Variants in SUGCT observed in about 807,000 individuals in gnomAD.
SUGCT encodes succinyl-CoA:glutarate-CoA transferase.
In SUGCT, 41 loss-of-function variants were observed where a neutral mutation model predicts 55.0. The ratio of observed to expected loss-of-function variants is 0.74; its 90% CI spans 0.58 to 0.97. The LOEUF is 0.97. Among genes scored for constraint, SUGCT ranks in the 50% least tolerant of loss-of-function variants. The probability of loss-of-function intolerance (pLI) is 0.00; values close to 1 mark genes in which losing one functional copy is unlikely to be tolerated. For synonymous variants in SUGCT, 187 were observed against 200.4 expected, an observed-to-expected ratio of 0.93 and a Z score of 0.56; for missense variants, 568 against 547.8, an observed-to-expected ratio of 1.04 and a Z score of -0.37.
chr7:40,550,920 C>A (rs546541051), intron 12 of SUGCT, among the ~76,000 whole-genome samples: 1 of 152,308 alleles, frequency 6.6e-6, no homozygotes, highest in East Asian at 1.9e-4. Context: ...CTTACTGCAG[C>A]ACTTTCCCTT....
chr7:40,591,137 G>A (rs1797696394), intron 12 of SUGCT, among the ~76,000 whole-genome samples: 1 of 152,202 alleles, frequency 6.6e-6, no homozygotes, highest in Middle Eastern at 3.4e-3. Flanking sequence ...AAAACCTTCT[G>A]GAAAGGATTC....
chr7:40,874,306 T>A, the SUGCT span, among the ~76,000 whole-genome samples: 1 of 152,222 alleles, frequency 6.6e-6, no homozygotes, highest in Non-Finnish European at 1.5e-5. Context: ...GGACCAAAAC[T>A]GAGCCAAAAG....
intron 8 of SUGCT, among the ~76,000 whole-genome samples, chr7:40,308,919 A>C (rs2151093155): frequency 6.6e-6 from 1 of 152,340 alleles, no homozygotes; most frequent in Non-Finnish European, 1.5e-5. Flanking sequence ...CTGAGTCAGA[A>C]GAATTGCTTG....
chr7:40,180,740 C>A (rs550963792), intron 1 of SUGCT, among the ~76,000 whole-genome samples: 1 of 152,100 alleles, frequency 6.6e-6, no homozygotes, highest in African/African-American at 2.4e-5. Flanking sequence ...CCGCCTGCCT[C>A]GGCCTCCGAA....
At chr7:40,624,499 A>G (rs573322059) in intron 12 of SUGCT, among the ~76,000 whole-genome samples, 25 of 152,332 alleles carry the variant, frequency 1.6e-4, no homozygotes, top group Admixed American at 3.9e-4. Context: ...TAGATGAAGA[A>G]TGAAAAAGCA....
At chr7:40,185,303 A>T (rs1584281675) in intron 3 of SUGCT, among the ~76,000 whole-genome samples, 1 of 152,300 alleles carries the variant, frequency 6.6e-6, no homozygotes, top group Middle Eastern at 3.4e-3. Flanking sequence ...TCAATGTATT[A>T]ATAATTTCTC....
chr7:40,185,656 G>A (rs1248215342), intron 3 of SUGCT, among the ~76,000 whole-genome samples: 1 of 152,088 alleles, frequency 6.6e-6, no homozygotes, highest in African/African-American at 2.4e-5. Flanking sequence ...CTGAGTAGTT[G>A]GGATTACAGG....
Position 40,617,355 on chromosome 7 carries a change from T to C in SUGCT, c.1089+120969T>C, listed in dbSNP as rs1584136904. Among the ~76,000 whole-genome samples the C allele has an allele frequency of 2.0e-5, 3 of 152,354 alleles. No individual in the cohort carries two copies. In the East Asian group the frequency reaches 5.8e-4, roughly 29 times the overall value. On this transcript the variant is annotated intron_variant, in intron 12 of 13. Transcript: ENST00000335693. ...TCAAGCTTGAAGCTTTATACTTTTA[T>C]GCTATCTGAAGTGTACCGATGAAAT...
At chr7:40,463,892 A>AGGAGATATAAT (rs1428471869) in intron 11 of SUGCT, among the ~76,000 whole-genome samples, 1 of 152,194 alleles carries the variant, frequency 6.6e-6, no homozygotes, top group Non-Finnish European at 1.5e-5. Flanking sequence ...AAAACAGAAG[A>AGGAGATATAAT]GGAGATATAA....
chr7:40,788,174 G>C lies in SUGCT; in HGVS notation c.1153+38677G>C, dbSNP rs540702959. Among the ~76,000 whole-genome samples the C allele has an allele frequency of 2.0e-3, 305 of 152,266 alleles. 1 individual carries two copies. The highest frequency in any genetic ancestry group is 7.0e-3 in the African/African-American group (290 of 41,554). On this transcript the variant is annotated intron_variant, in intron 13 of 13. Transcript: ENST00000335693. The stretch of plus-strand genomic sequence containing the variant: ...GTCATTCTCCCTGCAGCAGGGTATC[G>C]TGGAGACCAAATGGGGGCCTGGGCT...
In SUGCT at chr7:40,638,365, G is replaced by A. The variant is rs147888556; in HGVS notation, c.1090-111069G>A. 1.6e-3 allele frequency among the ~76,000 whole-genome samples: 242 copies of A among 152,296 alleles called. 1 individual carries two copies. Among genetic ancestry groups the A allele is most frequent in the African/African-American group, 5.6e-3 (234 of 41,554 alleles). ...TCTGAAATGCTTCCTTGATGAAAGA[G>A]AGTAGGTGAAGCTCTGGCTGGATCA... On this transcript the variant is annotated intron_variant, in intron 12 of 13. Transcript: ENST00000335693.
At chr7:40,163,171 GA>G (rs1784260294) in intron 1 of SUGCT, among the ~76,000 whole-genome samples, 1 of 152,206 alleles carries the variant, frequency 6.6e-6, no homozygotes, top group African/African-American at 2.4e-5. Context: ...AATTGCAAGA[GA>G]AGCTGGAAAA....
chr7:40,214,640 G>T (rs915322447), intron 6 of SUGCT, among the ~76,000 whole-genome samples: 3 of 152,136 alleles, frequency 2.0e-5, no homozygotes, highest in African/African-American at 7.2e-5. Flanking sequence ...TATGGGCTGG[G>T]CATGGTGGCT....
rs568849037 is a variant in SUGCT at position 40,842,955 on chromosome 7, T to C, written c.1154-17361T>C. Among the ~76,000 whole-genome samples, 9 of 152,308 alleles carry C rather than the reference T, an allele frequency of 5.9e-5. No individual in the cohort carries two copies. In the East Asian group the frequency reaches 1.7e-3, roughly 29 times the overall value. On this transcript the variant is annotated intron_variant, in intron 13 of 13. Coordinates refer to ENST00000335693, the MANE Select transcript of SUGCT (RefSeq NM_001193313.2). The stretch of plus-strand genomic sequence containing the variant: ...TGCTTTTAGATCTGTTTGACAGAAT[T>C]TGTTTTTTGAGGTTGTGAGCACTTT...
intron 5 of SUGCT, among the ~76,000 whole-genome samples, chr7:40,191,978 C>T (rs779145764): frequency 1.7e-4 from 26 of 151,740 alleles, no homozygotes; most frequent in Non-Finnish European, 2.5e-4. Flanking sequence ...CGTGTTGGTG[C>T]GTGCCTGTAG....
intron 12 of SUGCT, among the ~76,000 whole-genome samples, chr7:40,666,430 T>G (rs957399977): frequency 2.0e-5 from 3 of 146,804 alleles, no homozygotes; most frequent in African/African-American, 7.5e-5. Context: ...TTTTTTTTTT[T>G]TTTTTTTTTT....
chr7:40,160,160 C>CA (rs1784077868), intron 1 of SUGCT, among the ~76,000 whole-genome samples: 1 of 152,140 alleles, frequency 6.6e-6, no homozygotes, highest in Admixed American at 6.5e-5. Flanking sequence ...ATCCTCCTAG[C>CA]AAATCACTGA....
intron 9 of SUGCT, among the ~76,000 whole-genome samples, chr7:40,384,119 A>G (rs1005578034): frequency 1.3e-5 from 2 of 152,204 alleles, no homozygotes; most frequent in African/African-American, 4.8e-5. Context: ...ATATTGACAC[A>G]TGATTGTGGG....
At chr7:40,177,410 A>T (rs906197714) in intron 1 of SUGCT, among the ~76,000 whole-genome samples, 1 of 151,504 alleles carries the variant, frequency 6.6e-6, no homozygotes, top group Non-Finnish European at 1.5e-5. Flanking sequence ...GCGGCCCTCT[A>T]AATCTGCTGT....
Sources: gnomAD v4.1 joint callset for allele counts (sites outside exome capture counted in the v4.1 genomes callset) on GRCh38, gnomAD v4.1.1 for gene constraint, MANE v1.5 for transcripts, NCBI Gene and HGNC (gene_info 2026-07-23, HGNC 2026-07-21) for gene names.